Variants in SLC38A2 observed in about 807,000 individuals in gnomAD.
SLC38A2 encodes solute carrier family 38 member 2, also known as sodium-coupled neutral amino acid symporter 2.
SLC38A2 carries 11 observed loss-of-function variants against 61.5 expected under a neutral mutation model. The ratio of observed to expected loss-of-function variants is 0.18; its 90% confidence interval spans 0.11 to 0.30. SLC38A2 has a LOEUF of 0.30. Among genes scored for constraint, SLC38A2 ranks in the 10% least tolerant of loss-of-function variants. The probability of loss-of-function intolerance (pLI) is 1.00; values close to 1 mark genes in which losing one functional copy is unlikely to be tolerated. For synonymous variants in SLC38A2, 217 were observed against 212.5 expected, an observed-to-expected ratio of 1.02 and a Z score of -0.18; for missense variants, 522 against 600.4, an observed-to-expected ratio of 0.87 and a Z score of 1.36.
At chr12:46,363,854 A>G (rs773900608) in intron 11 of SLC38A2, 28 bp from the exon 12 acceptor site, 1 of 1,590,948 alleles carries the variant, frequency 6.3e-7, no homozygotes, top group East Asian at 2.2e-5. Flanking sequence ...AAATTCAAAT[A>G]TATATTTCAG....
intron 1 of SLC38A2, 21 bp from the exon 2 acceptor site, chr12:46,371,400 C>T: frequency 1.2e-6 from 1 of 850,146 alleles, no homozygotes. Context: ...AGAGGCGGCG[C>T]GTCAGGACCG....
rs776764111 is a variant in SLC38A2, at chr12:46,370,539, A to G, written c.287T>C (p.Met96Thr). ...GSGILGLSYA[M>T]ANTGIALFII... is the part of the protein sequence containing the mutation. ...AAAAAGAGCAATTCCAGTATTAGCC[A>G]TGGCATAAGAAAGCCCAAGGATTCC... Residue 96 changes from methionine (M) to threonine (T), a missense_variant, in exon 4 of 16, where the codon ATG becomes ACG. By Grantham distance (81) the Met-to-Thr change is moderately conservative. Transcript: ENST00000256689. 1.3e-5 allele frequency: 21 copies of G among 1,613,950 alleles called. No homozygotes were observed. The highest frequency in any genetic ancestry group is 1.8e-5 in the Non-Finnish European group (21 of 1,179,916).
Position 46,372,498 on chromosome 12 carries a change from G to A in SLC38A2, c.-87+11C>T, listed in dbSNP as rs374074510. 4 of 294,398 alleles carry A rather than the reference G, an allele frequency of 1.4e-5. No homozygotes were observed. Among genetic ancestry groups the A allele is most frequent in the Admixed American group, 1.0e-4 (2 of 19,414 alleles). 18.2% of individuals were successfully genotyped at this position (294,398 alleles called of 1,614,324 possible). ...GCGCCCTTCCCACAGACGCCCCCCC[G>A]CACGCGTTACCTCGGTGGTCTCTAT... On this transcript the variant is annotated intron_variant, in intron 1 of 15. Coordinates refer to ENST00000256689, the MANE Select transcript of SLC38A2 (RefSeq NM_018976.5).
intron 8 of SLC38A2, 24 bp downstream of exon 8, chr12:46,365,083 C>A (rs750146378): frequency 1.3e-6 from 2 of 1,592,762 alleles, no homozygotes; most frequent in Non-Finnish European, 1.7e-6. Context: ...CATTTCAATT[C>A]TCTTTAGAGA....
chr12:46,371,301 A>G lies in SLC38A2; in HGVS notation c.-8T>C. On this transcript the variant is annotated 5_prime_UTR_variant, in exon 2 of 16. Coordinates refer to ENST00000256689, the MANE Select transcript of SLC38A2 (RefSeq NM_018976.5). Reference sequence around the variant, plus strand: ...CATTTCGGCCTTCTTCATGCTAAGCACTGGGAGGAATCGGGTGCAGCTAGT... The same window carrying G: ...CATTTCGGCCTTCTTCATGCTAAGCGCTGGGAGGAATCGGGTGCAGCTAGT... The G allele has an allele frequency of 6.2e-7, 1 of 1,611,462 alleles. No homozygotes were observed. Among genetic ancestry groups the G allele is most frequent in the Non-Finnish European group, 8.5e-7 (1 of 1,177,610 alleles).
rs202031076 is a variant in SLC38A2 at position 46,364,423 on chromosome 12, G to A, written c.839C>T (p.Ser280Phe). Residue 280 changes from serine to phenylalanine, a missense_variant, in exon 10 of 16, where the codon TCT (serine) becomes TTT (phenylalanine). By Grantham distance (155) the Ser-to-Phe change is radical. Coordinates refer to ENST00000256689, the MANE Select transcript of SLC38A2 (RefSeq NM_018976.5). ...GAAAATAAAATAGTGAGGTCTGCAA[G>A]AGTCATTTTCAGTCACGTTATGTGA... ...ALSHNVTEND[S>F]CRPHYFIFNS... is the part of the protein sequence containing the mutation. 7.1e-5 allele frequency: 113 copies of A among 1,601,330 alleles called. No homozygotes were observed. The East Asian group carries it at 2.5e-3, about 35-fold the overall frequency.
chr12:46,358,428 A>T lies in SLC38A2; in HGVS notation c.*2683T>A, dbSNP rs1943044757. 6.6e-6 allele frequency: 1 copy of T among 152,652 alleles called. No individual in the cohort carries two copies. The highest frequency in any genetic ancestry group is 1.5e-5 in the Non-Finnish European group (1 of 68,038). The allele number at this position is 152,652 out of a possible 1,614,324, so 9.5% of individuals were successfully genotyped here. On this transcript the variant is annotated 3_prime_UTR_variant, in exon 16 of 16. Coordinates refer to ENST00000256689, the MANE Select transcript of SLC38A2 (RefSeq NM_018976.5). The stretch of plus-strand genomic sequence containing the variant: ...CACATTTTGATTACTGCATTTTGAA[A>T]ATGTATTCCTTATTTAAATTTTAAA...
Position 46,364,527 on chromosome 12 carries a change from A to C in SLC38A2, c.735T>G (p.Cys245Trp), listed in dbSNP as rs774598443. 1 of 1,607,114 alleles carries C rather than the reference A, an allele frequency of 6.2e-7. No individual in the cohort carries two copies. Among genetic ancestry groups the C allele is most frequent in the Non-Finnish European group, 8.5e-7 (1 of 1,177,782 alleles). ...VVICKKFQVP[C>W]PVEAALIINE... ...TAATTATCAAAGCAGCTTCCACAGG[A>C]CACGGAACCTGAAATTTCTTGCAAA... is the stretch of plus-strand genomic sequence containing the variant. The change falls in exon 10 of 16, where the codon TGT (cysteine) becomes TGG (tryptophan). Residue 245 changes from cysteine (C) to tryptophan (W), a missense_variant. This residue lies in a region of SLC38A2 where 309 missense variants were observed against 343.9 expected (regional missense o/e 0.90). Coordinates refer to ENST00000256689, the MANE Select transcript of SLC38A2 (RefSeq NM_018976.5).
rs1943111873 is a variant in SLC38A2, at chr12:46,364,010, GA to G, written c.874-8del. ...TTGGCACAGCATAGACAGTCTGAAA[GA>G]AAACGTAAAAATCTACTTAATCTGA... On this transcript the variant is annotated splice_region_variant and splice_polypyrimidine_tract_variant and intron_variant, in intron 10 of 15. Transcript: ENST00000256689. 1.3e-6 allele frequency: 2 copies of G among 1,599,168 alleles called. No individual in the cohort carries two copies. The highest frequency in any genetic ancestry group is 1.7e-6 in the Non-Finnish European group (2 of 1,174,564).
In SLC38A2 at chr12:46,360,510, G is replaced by T. The variant is rs1002801934; in HGVS notation, c.*601C>A. 3.9e-5 allele frequency: 6 copies of T among 152,038 alleles called. No individual in the cohort carries two copies. The highest frequency in any genetic ancestry group is 7.4e-5 in the Non-Finnish European group (5 of 67,998). The allele number at this position is 152,038 out of a possible 1,614,324, so 9.4% of individuals were successfully genotyped here. On this transcript the variant is annotated 3_prime_UTR_variant, in exon 16 of 16. Coordinates refer to ENST00000256689, the MANE Select transcript of SLC38A2 (RefSeq NM_018976.5). ...GGTAAAAAAGTATTTGGCTTATTAT[G>T]CCTACAAAAAGGCAAACCATTTCAT...
chr12:46,364,804 A>G, intron 8 of SLC38A2, 102 bp from the exon 9 acceptor site: 1 of 1,137,734 alleles, frequency 8.8e-7, no homozygotes, highest in Non-Finnish European at 1.3e-6. Context: ...GGAAGACTTT[A>G]GGCACTAAAG....
chr12:46,372,311 G>A, intron 1 of SLC38A2, 198 bp downstream of exon 1: 1 of 188,566 alleles, frequency 5.3e-6, no homozygotes, highest in Non-Finnish European at 1.1e-5. Context: ...CCCAGCGCCC[G>A]CTCTCCTACC....
Position 46,362,549 on chromosome 12 carries a change from A to T in SLC38A2, c.1269T>A (p.Phe423Leu). 1.2e-6 allele frequency: 2 copies of T among 1,601,992 alleles called. No homozygotes were observed. Among genetic ancestry groups the T allele is most frequent in the Non-Finnish European group, 1.7e-6 (2 of 1,177,084 alleles). Residue 423 changes from phenylalanine (F) to leucine (L), a missense_variant, in exon 14 of 16, where the codon TTT becomes TTA. By Grantham distance (22) the Phe-to-Leu change is conservative. Coordinates refer to ENST00000256689, the MANE Select transcript of SLC38A2 (RefSeq NM_018976.5). ...HSLITVSILA[F>L]TNLLVIFVPT... ...GGACAAAGATGACAAGTAAATTGGT[A>T]AATGCCAAGATAGACACTGTAATGA...
rs1943092362 is a variant in SLC38A2, at chr12:46,362,505, A to C, written c.1313T>G (p.Phe438Cys). The change falls in exon 14 of 16, where the codon TTT becomes TGT. Residue 438 changes from phenylalanine (F) to cysteine (C), a missense_variant. By Grantham distance (205) the Phe-to-Cys change is radical. Around this residue, in one of 3 missense-constraint regions of SLC38A2, gnomAD observed 309 missense variants for 343.9 expected, o/e 0.90. Transcript: ENST00000256689. ...VIFVPTIRDI[F>C]GFIGASAASM... is the part of the protein sequence containing the mutation. ...TTTCTAAAACTTACCAATAAAACCA[A>C]AGATATCCCTAATAGTTGGGACAAA... The C allele has an allele frequency of 6.3e-7, 1 of 1,594,234 alleles. No homozygotes were observed. Among genetic ancestry groups the C allele is most frequent in the Non-Finnish European group, 8.5e-7 (1 of 1,174,758 alleles).
intron 4 of SLC38A2, 167 bp from the exon 5 acceptor site, chr12:46,367,507 G>C: frequency 1.6e-6 from 1 of 609,840 alleles, no homozygotes; most frequent in South Asian, 2.1e-5. Flanking sequence ...TGGCAACACT[G>C]TCTCTTGGCT....
chr12:46,367,061 T>C lies in SLC38A2; in HGVS notation c.481+15A>G. The C allele has an allele frequency of 1.2e-6, 2 of 1,613,204 alleles. No individual in the cohort carries two copies. Among genetic ancestry groups the C allele is most frequent in the Non-Finnish European group, 1.7e-6 (2 of 1,179,394 alleles). On this transcript the variant is annotated intron_variant, in intron 6 of 15. Transcript: ENST00000256689. ...GCATAAAGTCTACCCAAATAATCTT[T>C]TGAAAAATTCTTACCTCCAATGTTC...
chr12:46,364,078 T>C (rs1416855689), intron 10 of SLC38A2, 75 bp from the exon 11 acceptor site: 8 of 1,267,204 alleles, frequency 6.3e-6, no homozygotes, highest in Non-Finnish European at 8.7e-6. Context: ...GCATATATTT[T>C]ATGTAAACAA....
rs1051186880 is a variant in SLC38A2, at chr12:46,363,138, A to G, written c.1062T>C (p.Val354=). Reference sequence around the variant, plus strand: ...AGTAGGTATGAAGCAATTCTGACTCAACATGTTCTACAGGGAAAGACCAAA... The same window carrying G: ...AGTAGGTATGAAGCAATTCTGACTCGACATGTTCTACAGGGAAAGACCAAA... The part of the protein sequence containing the change: ...LFGYLTFYEH[V]ESELLHTYSS... The change falls in exon 13 of 16, where the codon GTT becomes GTC. Residue 354 remains valine, a synonymous_variant. Coordinates refer to ENST00000256689, the MANE Select transcript of SLC38A2 (RefSeq NM_018976.5). The G allele has an allele frequency of 4.3e-6, 7 of 1,612,252 alleles. No homozygotes were observed. Among genetic ancestry groups the G allele is most frequent in the Non-Finnish European group, 5.9e-6 (7 of 1,178,816 alleles).
At chr12:46,361,449 C>G (rs1444191071) in intron 15 of SLC38A2, among the ~76,000 whole-genome samples, 1 of 152,112 alleles carries the variant, frequency 6.6e-6, no homozygotes. Context: ...TCTCAAGTGA[C>G]AGGGAATTTT....
Sources: allele counts gnomAD v4.1 joint callset (sites outside exome capture counted in the v4.1 genomes callset), GRCh38; gene constraint gnomAD v4.1.1; regional missense constraint gnomAD v4.1.1; transcripts MANE v1.5; gene names NCBI Gene and HGNC (gene_info 2026-07-23, HGNC 2026-07-21).